The following STAU2 variants were observed in gnomAD, a reference collection of about 807,000 sequenced individuals.
The protein encoded by STAU2 is staufen double-stranded RNA binding protein 2.
STAU2 carries 20 observed loss-of-function variants against 65.9 expected under a neutral mutation model. The ratio of observed to expected loss-of-function variants is 0.30; its 90% CI spans 0.21 to 0.44. The LOEUF is 0.44. Among genes scored for constraint, STAU2 ranks in the 20% least tolerant of loss-of-function variants. STAU2 has a pLI of 1.00. For missense variants in STAU2, 558 were observed against 683.9 expected (o/e 0.82, Z 2.05); for synonymous variants, 232 against 233.9 (o/e 0.99, Z 0.07).
chr8:73,727,742 T>C (rs73689039), intron 3 of STAU2: 29,003 of 152,202 alleles, frequency 0.19, 3,007 homozygotes, highest in East Asian at 0.37. Flanking sequence ...AGGAGTGGAA[T>C]TGCTGGGTCA....
At chr8:73,434,252 G>A (rs1817535687) in intron 13 of STAU2, among the ~76,000 whole-genome samples, 1 of 101,662 alleles carries the variant, frequency 9.8e-6, no homozygotes, top group Non-Finnish European at 2.0e-5. Flanking sequence ...AGGAATGTGA[G>A]TGGCCGGCCT....
At position 73,611,016 on chromosome 8, in the gene STAU2, AT is replaced by A. The variant is rs538005534; in HGVS notation, c.891+2727del. On this transcript the variant is annotated intron_variant, in intron 9 of 14. Coordinates refer to ENST00000524300, the MANE Select transcript of STAU2 (RefSeq NM_001164380.2). ...TGCTGCATCACAGAGTGATTAAGTG[AT>A]CAAATGAGACAATGTGATTATTTTA... 3.7e-3 allele frequency among the ~76,000 whole-genome samples: 568 copies of A among 152,340 alleles called. 4 individuals are homozygous for A. The highest frequency in any genetic ancestry group is 0.013 in the African/African-American group (532 of 41,574).
At position 73,746,812 on chromosome 8, in the gene STAU2, T is replaced by C; in HGVS notation, c.-226A>G. On this transcript the variant is annotated 5_prime_UTR_variant, in exon 1 of 15. Coordinates refer to ENST00000524300, the MANE Select transcript of STAU2 (RefSeq NM_001164380.2). ...TTGCCGGGGACACTTTGCAGACGGCTCCAACATTGGCAAACACTACAGAGA... is the reference window on the plus strand; with the variant it reads ...TTGCCGGGGACACTTTGCAGACGGCCCCAACATTGGCAAACACTACAGAGA... 8.1e-7 allele frequency: 1 copy of C among 1,231,136 alleles called. No individual in the cohort carries two copies. Among genetic ancestry groups the C allele is most frequent in the Non-Finnish European group, 1.0e-6 (1 of 986,490 alleles). The allele number at this position is 1,231,136 out of a possible 1,614,324, so 76.3% of individuals were successfully genotyped here.
chr8:73,535,597 A>T (rs759749598), intron 13 of STAU2, among the ~76,000 whole-genome samples: 1 of 152,230 alleles, frequency 6.6e-6, no homozygotes, highest in Non-Finnish European at 1.5e-5. Flanking sequence ...GAAAGAAAAC[A>T]CTAAGTGATT....
intron 4 of STAU2, among the ~76,000 whole-genome samples, chr8:73,697,802 C>T (rs754140218): frequency 5.3e-5 from 8 of 152,146 alleles, no homozygotes; most frequent in African/African-American, 1.2e-4. Flanking sequence ...GTATTTGCAC[C>T]GGCGCAGTGG....
At chr8:73,517,769 T>C (rs1822821188) in intron 13 of STAU2, among the ~76,000 whole-genome samples, 1 of 152,198 alleles carries the variant, frequency 6.6e-6, no homozygotes, top group Non-Finnish European at 1.5e-5. Flanking sequence ...AATAAGTAAG[T>C]TCGTGGCCTT....
chr8:73,643,862 AAC>A (rs1309908640), intron 6 of STAU2, among the ~76,000 whole-genome samples: 3 of 152,220 alleles, frequency 2.0e-5, no homozygotes, highest in African/African-American at 7.2e-5. Flanking sequence ...GGAAACTCAT[AAC>A]ACATTCTGAA....
chr8:73,422,559 T>C, intron 14 of STAU2, 55 bp downstream of exon 14: 2 of 1,319,934 alleles, frequency 1.5e-6, no homozygotes, highest in South Asian at 1.5e-5. Flanking sequence ...CTATGTCTTA[T>C]CTTTTGTACA....
At chr8:73,613,605 T>C (rs1279154528) in intron 9 of STAU2, 139 bp downstream of exon 9, 13 of 547,500 alleles carry the variant, frequency 2.4e-5, no homozygotes, top group Non-Finnish European at 3.7e-5. Context: ...CATTAATTTA[T>C]AGTCACATGT....
chr8:73,621,570 T>A (rs1244418358), intron 6 of STAU2, among the ~76,000 whole-genome samples: 3 of 152,216 alleles, frequency 2.0e-5, no homozygotes, highest in Non-Finnish European at 4.4e-5. Context: ...GTGGTCAATG[T>A]TTAGATCCCC....
intron 6 of STAU2, chr8:73,670,432 A>G (rs1383042595): frequency 3.9e-5 from 6 of 152,062 alleles, no homozygotes; most frequent in East Asian, 1.9e-4. Context: ...CCTCGTGGAC[A>G]AGGCACACGA....
At chr8:73,475,942 G>A (rs73686953) in intron 13 of STAU2, among the ~76,000 whole-genome samples, 4,482 of 152,218 alleles carry the variant, frequency 0.029, 117 homozygotes, top group African/African-American at 0.07. Context: ...ACAATGTAAT[G>A]ACACTAAATG....
chr8:73,466,717 C>G (rs1357028179), intron 13 of STAU2, among the ~76,000 whole-genome samples: 2 of 152,238 alleles, frequency 1.3e-5, no homozygotes, highest in Non-Finnish European at 2.9e-5. Context: ...CCTTACAGCC[C>G]TCATCAACTT....
rs530634948 is a variant in STAU2 at position 73,493,251 on chromosome 8, C to T, written c.1530+58761G>A. On this transcript the variant is annotated intron_variant, in intron 13 of 14. Transcript: ENST00000524300. ...AAAAAGTTTCTTAAAGATAAATAAT[C>T]ATAAAATAAAAAACTGATAAATTGA... 1.1e-4 allele frequency among the ~76,000 whole-genome samples: 17 copies of T among 151,548 alleles called. 1 individual carries two copies. The South Asian group carries it at 3.3e-3, about 30-fold the overall frequency.
chr8:73,467,664 C>T (rs1382123997), intron 13 of STAU2, among the ~76,000 whole-genome samples: 1 of 152,150 alleles, frequency 6.6e-6, no homozygotes, highest in Non-Finnish European at 1.5e-5. Context: ...CAATAACTTG[C>T]CTCCAAATTT....
chr8:73,721,421 T>C (rs930134078), intron 3 of STAU2, among the ~76,000 whole-genome samples: 1 of 151,692 alleles, frequency 6.6e-6, no homozygotes, highest in Non-Finnish European at 1.5e-5. Context: ...ATAAATGCAA[T>C]TAGGTCAAGT....
chr8:73,528,463 G>A (rs980320398), intron 13 of STAU2, among the ~76,000 whole-genome samples: 9 of 152,128 alleles, frequency 5.9e-5, no homozygotes, highest in African/African-American at 2.2e-4. Context: ...ACATGGGGAA[G>A]GGGGAAGAGT....
intron 6 of STAU2, among the ~76,000 whole-genome samples, chr8:73,643,042 A>G (rs1815109667): frequency 6.6e-6 from 1 of 152,144 alleles, no homozygotes; most frequent in Non-Finnish European, 1.5e-5. Flanking sequence ...TCCTACATGA[A>G]ACACATATTT....
chr8:73,685,990 T>C (rs1267571338), intron 5 of STAU2, among the ~76,000 whole-genome samples: 2 of 152,044 alleles, frequency 1.3e-5, no homozygotes, highest in Middle Eastern at 6.3e-3. Context: ...AGGAATGAAA[T>C]AATGGCATTT....
Sources: gnomAD v4.1 joint callset for allele counts (sites outside exome capture counted in the v4.1 genomes callset) on GRCh38, gnomAD v4.1.1 for gene constraint, MANE v1.5 for transcripts, NCBI Gene and HGNC (gene_info 2026-07-23, HGNC 2026-07-21) for gene names.